Variants in CAMK4 observed in about 807,000 individuals in gnomAD.
CAMK4 encodes the protein calcium/calmodulin dependent protein kinase IV, also known as calcium/calmodulin-dependent protein kinase type IV.
A neutral mutation model predicts 44.9 loss-of-function variants in CAMK4; 22 were observed. The observed-to-expected ratio is 0.49, with a 90% CI of 0.35 to 0.70. The LOEUF is 0.70. CAMK4 is among the 30% of genes least tolerant of loss of function. The probability of loss-of-function intolerance (pLI) is 0.01; values close to 1 mark genes in which losing one functional copy is unlikely to be tolerated. For synonymous variants in CAMK4, 218 were observed against 215.4 expected (o/e 1.01, Z -0.11); for missense variants, 498 against 586.8 (o/e 0.85, Z 1.56).
At chr5:111,233,524 G>A (rs17461286) in intron 1 of CAMK4, among the ~76,000 whole-genome samples, 33,092 of 152,026 alleles carry the variant, frequency 0.22, 3,985 homozygotes, top group Non-Finnish European at 0.28. Context: ...TTTCCATACC[G>A]TGAACAATGT....
At chr5:111,440,431 A>G (rs1203541805) in intron 5 of CAMK4, among the ~76,000 whole-genome samples, 2 of 151,792 alleles carry the variant, frequency 1.3e-5, no homozygotes, top group East Asian at 3.8e-4. Context: ...TTCAAATCCT[A>G]GTCACCACAA....
intron 1 of CAMK4, among the ~76,000 whole-genome samples, chr5:111,228,534 G>GTA (rs1561347594): frequency 6.6e-6 from 1 of 151,826 alleles, no homozygotes; most frequent in Non-Finnish European, 1.5e-5. Flanking sequence ...GTGTGTGTGT[G>GTA]TGTGTGTGTG....
intron 1 of CAMK4, among the ~76,000 whole-genome samples, chr5:111,297,000 G>C (rs889104841): frequency 6.6e-6 from 1 of 152,126 alleles, no homozygotes. Context: ...GGGCCTTCCT[G>C]CTTATAATTA....
intron 1 of CAMK4, among the ~76,000 whole-genome samples, chr5:111,240,683 T>A (rs77798153): frequency 6.6e-6 from 1 of 152,100 alleles, no homozygotes; most frequent in African/African-American, 2.4e-5. Context: ...TTGAGTGTCA[T>A]TTAGGTAAGG....
intron 4 of CAMK4, among the ~76,000 whole-genome samples, chr5:111,389,885 T>A (rs1456209387): frequency 6.6e-6 from 1 of 151,662 alleles, no homozygotes; most frequent in Non-Finnish European, 1.5e-5. Flanking sequence ...ATGATAGAGA[T>A]ACCACAAAAT....
chr5:111,435,590 C>T (rs1753616866), intron 5 of CAMK4, among the ~76,000 whole-genome samples: 1 of 152,208 alleles, frequency 6.6e-6, no homozygotes, highest in African/African-American at 2.4e-5. Context: ...TCCCCAGGTT[C>T]TGCTTGGCCA....
chr5:111,326,044 C>G (rs569695377), intron 1 of CAMK4, among the ~76,000 whole-genome samples: 1 of 151,654 alleles, frequency 6.6e-6, no homozygotes, highest in Non-Finnish European at 1.5e-5. Flanking sequence ...CATTAAGAAG[C>G]TAAATAAATA....
intron 7 of CAMK4, among the ~76,000 whole-genome samples, chr5:111,462,451 G>C (rs1754677187): frequency 6.6e-6 from 1 of 152,068 alleles, no homozygotes; most frequent in South Asian, 2.1e-4. Context: ...AGTATAGTTG[G>C]CCCATCACAC....
chr5:111,228,059 G>C (rs1176087035), intron 1 of CAMK4, among the ~76,000 whole-genome samples: 1 of 152,180 alleles, frequency 6.6e-6, no homozygotes, highest in Non-Finnish European at 1.5e-5. Context: ...AGCCTGCTTG[G>C]TGGTGCAGAT....
intron 5 of CAMK4, among the ~76,000 whole-genome samples, chr5:111,403,667 T>A (rs1244248671): frequency 6.6e-6 from 1 of 152,168 alleles, no homozygotes; most frequent in African/African-American, 2.4e-5. Flanking sequence ...AATCAGAGCA[T>A]AGACATTTTA....
intron 2 of CAMK4, among the ~76,000 whole-genome samples, chr5:111,344,960 G>C (rs541410443): frequency 2.8e-4 from 42 of 151,964 alleles, no homozygotes; most frequent in African/African-American, 8.7e-4. Context: ...CAAATTTCAT[G>C]TGAACAAATA....
chr5:111,295,891 T>C (rs1747464497), intron 1 of CAMK4, among the ~76,000 whole-genome samples: 1 of 152,204 alleles, frequency 6.6e-6, no homozygotes, highest in South Asian at 2.1e-4. Flanking sequence ...AATTGGAGTT[T>C]GGGATAATGA....
chr5:111,445,027 T>A (rs189362984), intron 5 of CAMK4, among the ~76,000 whole-genome samples: 2 of 152,240 alleles, frequency 1.3e-5, no homozygotes, highest in African/African-American at 4.8e-5. Flanking sequence ...TTTAGGAAAG[T>A]GATTTTGAAG....
intron 2 of CAMK4, among the ~76,000 whole-genome samples, chr5:111,354,640 T>A (rs1211568429): frequency 6.6e-6 from 1 of 151,652 alleles, no homozygotes; most frequent in Non-Finnish European, 1.5e-5. Context: ...ACCCGGGAGA[T>A]GGAGGTTGCA....
intron 1 of CAMK4, among the ~76,000 whole-genome samples, chr5:111,242,069 A>T (rs905399693): frequency 2.5e-4 from 38 of 152,138 alleles, no homozygotes; most frequent in African/African-American, 8.9e-4. Context: ...ATTCGAAACT[A>T]ACTCCATCTT....
chr5:111,410,405 A>T (rs574755093), intron 5 of CAMK4, among the ~76,000 whole-genome samples: 82 of 152,206 alleles, frequency 5.4e-4, no homozygotes, highest in African/African-American at 1.9e-3. Context: ...AATTATCTCC[A>T]CCTAGTCCCA....
intron 1 of CAMK4, among the ~76,000 whole-genome samples, chr5:111,287,747 G>A (rs1018579410): frequency 6.6e-6 from 1 of 152,110 alleles, no homozygotes; most frequent in Non-Finnish European, 1.5e-5. Flanking sequence ...TGTTTAAAAG[G>A]TGGTTCTGTC....
In CAMK4 at chr5:111,448,762, G is replaced by A. The variant is rs113113436; in HGVS notation, c.551-367G>A. On this transcript the variant is annotated intron_variant, in intron 6 of 10. Coordinates refer to ENST00000282356, the MANE Select transcript of CAMK4 (RefSeq NM_001744.6). ...AGAGGTTACAGTAAGCCGAGATCACGCCACTGCACTCCAGCCTAGGCAACA... is the reference window on the plus strand; with the variant it reads ...AGAGGTTACAGTAAGCCGAGATCACACCACTGCACTCCAGCCTAGGCAACA... 2.5e-3 allele frequency among the ~76,000 whole-genome samples: 373 copies of A among 152,198 alleles called. 1 individual carries two copies. The highest frequency in any genetic ancestry group is 8.6e-3 in the African/African-American group (356 of 41,496).
chr5:111,384,110 T>C (rs1721941716), intron 4 of CAMK4, among the ~76,000 whole-genome samples: 1 of 152,108 alleles, frequency 6.6e-6, no homozygotes, highest in Non-Finnish European at 1.5e-5. Flanking sequence ...TGGTAAAGAA[T>C]GGAATAGGGC....
Sources: allele counts gnomAD v4.1 joint callset (sites outside exome capture counted in the v4.1 genomes callset), GRCh38; gene constraint gnomAD v4.1.1; transcripts MANE v1.5; gene names NCBI Gene and HGNC (gene_info 2026-07-23, HGNC 2026-07-21).